Variants in GRM8 observed in about 807,000 individuals in gnomAD.
The protein encoded by GRM8 is glutamate metabotropic receptor 8, also known as metabotropic glutamate receptor 8.
In GRM8, 47 loss-of-function variants were observed where a neutral mutation model predicts 87.2. The observed-to-expected ratio is 0.54, with a 90% CI of 0.43 to 0.69. The LOEUF (loss-of-function observed/expected upper bound fraction) is 0.69. GRM8 is among the 30% of genes least tolerant of loss of function. GRM8 has a pLI of 0.00. For synonymous variants in GRM8, 396 were observed against 404.5 expected, an observed-to-expected ratio of 0.98 and a Z score of 0.25; for missense variants, 1,019 against 1,139.2, an observed-to-expected ratio of 0.89 and a Z score of 1.52.
intron 7 of GRM8, among the ~76,000 whole-genome samples, chr7:126,660,141 T>C (rs1237546495): frequency 4.6e-5 from 7 of 152,208 alleles, no homozygotes; most frequent in African/African-American, 9.7e-5. Flanking sequence ...TCAGCAGTAG[T>C]TCCATTTAGT....
At chr7:126,446,453 AT>A (rs1803072264) in intron 9 of GRM8, 81 bp from the exon 10 acceptor site, 1 of 954,342 alleles carries the variant, frequency 1.0e-6, no homozygotes, top group Admixed American at 2.4e-5. Flanking sequence ...ATTTTCTAAA[AT>A]TGTTCCAGCT....
intron 6 of GRM8, among the ~76,000 whole-genome samples, chr7:126,771,441 C>T (rs548561806): frequency 6.6e-6 from 1 of 151,530 alleles, no homozygotes; most frequent in African/African-American, 2.4e-5. Context: ...ATAGGTTTTC[C>T]GATTTTCTCA....
chr7:126,769,563 C>G (rs1818592366), intron 7 of GRM8, among the ~76,000 whole-genome samples: 1 of 152,092 alleles, frequency 6.6e-6, no homozygotes, highest in East Asian at 1.9e-4. Flanking sequence ...TCAAAGAAAT[C>G]TAATGTCAAT....
At chr7:126,632,560 C>T (rs551659790) in intron 7 of GRM8, among the ~76,000 whole-genome samples, 148 of 152,204 alleles carry the variant, frequency 9.7e-4, no homozygotes, top group Middle Eastern at 6.8e-3. Context: ...ATAAATTATT[C>T]TATTACAAAG....
chr7:127,114,651 T>C (rs1385568814), intron 2 of GRM8, among the ~76,000 whole-genome samples: 2 of 152,222 alleles, frequency 1.3e-5, no homozygotes, highest in Non-Finnish European at 2.9e-5. Flanking sequence ...TTGCTACTAA[T>C]GGTGAACCTA....
At chr7:127,202,034 T>A (rs1366348762) in intron 2 of GRM8, among the ~76,000 whole-genome samples, 1 of 152,220 alleles carries the variant, frequency 6.6e-6, no homozygotes, top group Non-Finnish European at 1.5e-5. Context: ...AATTCACTGC[T>A]GAAAGATTCC....
Position 126,930,692 on chromosome 7 carries a change from C to T in GRM8, c.728-26009G>A, listed in dbSNP as rs994660403. On this transcript the variant is annotated intron_variant, in intron 3 of 10. Transcript: ENST00000339582. ...TTCTAACTTCTAATGGGTTACAAAA[C>T]ATAGTTAAGATTATGAGCTGATAAT... Among the ~76,000 whole-genome samples the T allele has an allele frequency of 5.3e-4, 81 of 152,144 alleles. 2 individuals carry two copies. Among genetic ancestry groups the T allele is most frequent in the Non-Finnish European group, 2.1e-4 (14 of 68,036 alleles).
intron 3 of GRM8, among the ~76,000 whole-genome samples, chr7:126,989,908 G>A (rs1461106216): frequency 1.3e-5 from 2 of 152,004 alleles, no homozygotes; most frequent in Admixed American, 6.5e-5. Context: ...GTTGCAGTGA[G>A]CCACTGCACT....
Position 126,908,544 on chromosome 7 carries a change from A to C in GRM8, c.728-3861T>G, listed in dbSNP as rs184017914. On this transcript the variant is annotated intron_variant, in intron 3 of 10. Coordinates refer to ENST00000339582, the MANE Select transcript of GRM8 (RefSeq NM_000845.3). ...ATGTTATATGCTGAGTATCATTCTG[A>C]GACTGACTCTGTAGCCATAAAAAAT... Among the ~76,000 whole-genome samples the C allele has an allele frequency of 3.0e-4, 45 of 152,332 alleles. No individual in the cohort carries two copies. In the East Asian group the frequency reaches 8.1e-3, roughly 27 times the overall value.
chr7:126,554,358 C>T (rs1382059100), intron 8 of GRM8, among the ~76,000 whole-genome samples: 2 of 151,736 alleles, frequency 1.3e-5, no homozygotes, highest in Non-Finnish European at 2.9e-5. Context: ...GGTGGGCAGA[C>T]AGCTTGAGCT....
chr7:126,521,657 G>GA (rs1813002058), intron 9 of GRM8, among the ~76,000 whole-genome samples: 9 of 151,878 alleles, frequency 5.9e-5, no homozygotes, highest in African/African-American at 2.4e-5. Context: ...TTGTGGTAAA[G>GA]AAAAAAATAT....
rs3993578 is a variant in GRM8 at position 127,165,141 on chromosome 7, GATATATATATATATATATATATATAT to G, written c.511-58455_511-58430del. Among the ~76,000 whole-genome samples the G allele has an allele frequency of 4.1e-3, 276 of 67,440 alleles. 5 individuals are homozygous for G. The highest frequency in any genetic ancestry group is 8.8e-3 in the Middle Eastern group (1 of 114). The allele number at this position is 67,440 out of a possible 152,430, so 44.2% of individuals were successfully genotyped here. On this transcript the variant is annotated intron_variant, in intron 2 of 10. Coordinates refer to ENST00000339582, the MANE Select transcript of GRM8 (RefSeq NM_000845.3). ...GAGGCAGATAATAAACATGTAAACA[GATATATATATATATATATATATATAT>G]ATATATATATATATATATATATATA...
chr7:126,812,252 CA>C (rs987843844), intron 6 of GRM8, among the ~76,000 whole-genome samples: 2 of 151,862 alleles, frequency 1.3e-5, no homozygotes, highest in African/African-American at 4.8e-5. Flanking sequence ...TATAGTCATG[CA>C]TTAATTAATG....
At chr7:127,240,424 C>CAAA (rs11305864) in intron 2 of GRM8, among the ~76,000 whole-genome samples, 10,678 of 141,220 alleles carry the variant, frequency 0.076, 480 homozygotes, top group African/African-American at 0.11. Context: ...GATTCTATGG[C>CAAA]AAAAAAAAAA....
chr7:126,925,314 A>AT (rs1299109504), intron 3 of GRM8, among the ~76,000 whole-genome samples: 2 of 152,166 alleles, frequency 1.3e-5, no homozygotes, highest in African/African-American at 4.8e-5. Flanking sequence ...TGCTGAATGA[A>AT]TTTTTAGAAA....
intron 7 of GRM8, among the ~76,000 whole-genome samples, chr7:126,673,559 C>T (rs1457407180): frequency 1.3e-5 from 2 of 152,180 alleles, no homozygotes; most frequent in Admixed American, 6.5e-5. Flanking sequence ...TTCCCATCCT[C>T]CCACTGTCTT....
intron 3 of GRM8, among the ~76,000 whole-genome samples, chr7:126,957,655 C>T (rs943063754): frequency 6.6e-6 from 1 of 152,226 alleles, no homozygotes; most frequent in Non-Finnish European, 1.5e-5. Context: ...TGCCAGGCCC[C>T]TGCTGCCTCA....
intron 3 of GRM8, among the ~76,000 whole-genome samples, chr7:127,018,740 G>A (rs1815964749): frequency 6.6e-6 from 1 of 151,812 alleles, no homozygotes; most frequent in Non-Finnish European, 1.5e-5. Flanking sequence ...CTTTCTGCTT[G>A]ACACCTGATT....
intron 8 of GRM8, among the ~76,000 whole-genome samples, chr7:126,581,429 G>A (rs776656550): frequency 3.9e-5 from 6 of 152,090 alleles, no homozygotes; most frequent in Non-Finnish European, 5.9e-5. Flanking sequence ...AAAGCTTAAC[G>A]TACAAATTTG....
Sources: gnomAD v4.1 joint callset for allele counts (sites outside exome capture counted in the v4.1 genomes callset) on GRCh38, gnomAD v4.1.1 for gene constraint, MANE v1.5 for transcripts, NCBI Gene and HGNC (gene_info 2026-07-23, HGNC 2026-07-21) for gene names.